The following MTX3 variants were observed in gnomAD, a reference collection of about 807,000 sequenced individuals.
MTX3 encodes the protein metaxin-3.
Under a neutral mutation model 42.5 loss-of-function variants are expected in MTX3, and 27 were observed. The ratio of observed to expected loss-of-function variants is 0.64; its 90% CI spans 0.47 to 0.88. MTX3 has a LOEUF of 0.88. Among genes scored for constraint, MTX3 ranks in the 40% least tolerant of loss-of-function variants. The pLI is 0.00. For synonymous variants in MTX3, 144 were observed against 132.9 expected (o/e 1.08, Z -0.57); for missense variants, 378 against 367.0 (o/e 1.03, Z -0.25).
rs1229193349 is a variant in MTX3, at chr5:79,990,191, G to A, written c.197C>T (p.Pro66Leu). The change falls in exon 3 of 9, where the codon CCA becomes CTA. Residue 66 changes from proline to leucine, a missense_variant. Pro to Leu is a moderately conservative substitution (Grantham distance 98, BLOSUM62 -3). Transcript: ENST00000512528. The stretch of plus-strand genomic sequence containing the variant: ...TCTTAAAAAGTTTAGTATTTTTGCT[G>A]GCTGAGAAACCATGTCGTCTTCAGT... ...LTTEDDMVSQ[P>L]AKILNFLRKQ... 1 of 1,609,728 alleles carries A rather than the reference G, an allele frequency of 6.2e-7. No individual in the cohort carries two copies.
Position 79,989,312 on chromosome 5 carries a change from C to G in MTX3, c.229-68G>C, listed in dbSNP as rs1831571972. 6.3e-6 allele frequency: 6 copies of G among 954,562 alleles called. No individual in the cohort carries two copies. The South Asian group carries it at 9.4e-5, about 15-fold the overall frequency. 59.1% of individuals were successfully genotyped at this position (954,562 alleles called of 1,614,324 possible). The stretch of plus-strand genomic sequence containing the variant: ...GCAGCCCAAAGACAGTAAAACTAAT[C>G]AAATCAGGATTCATATTTTTCCTTA... On this transcript the variant is annotated intron_variant, in intron 3 of 8. Coordinates refer to ENST00000512528, the MANE Select transcript of MTX3 (RefSeq NM_001363818.2).
chr5:79,990,504 C>G, intron 2 of MTX3, 90 bp downstream of exon 2: 4 of 868,700 alleles, frequency 4.6e-6, no homozygotes, highest in Non-Finnish European at 7.0e-6. Context: ...GAAACTAAAT[C>G]CTCAATATTA....
At position 79,981,706 on chromosome 5, in the gene MTX3, A is replaced by T. The variant is rs1400233075; in HGVS notation, c.*1978T>A. The stretch of plus-strand genomic sequence containing the variant: ...AAACTTGGAGTTAAATTTACTACTT[A>T]ATTTTAGAATCTGTCAGTGTTGATA... On this transcript the variant is annotated 3_prime_UTR_variant, in exon 9 of 9. Transcript: ENST00000512528. 3 of 152,004 alleles carry T rather than the reference A, an allele frequency of 2.0e-5. No homozygotes were observed. Among genetic ancestry groups the T allele is most frequent in the African/African-American group, 7.2e-5 (3 of 41,426 alleles). The allele number at this position is 152,004 out of a possible 1,614,324, so 9.4% of individuals were successfully genotyped here.
At chr5:79,989,287 G>A (rs1323491072) in intron 3 of MTX3, 43 bp from the exon 4 acceptor site, 4 of 1,269,636 alleles carry the variant, frequency 3.2e-6, no homozygotes, top group Non-Finnish European at 3.3e-6. Context: ...AAGTCAAAGA[G>A]CAGCCCAAAG....
chr5:79,990,961 C>A (rs948289303), intron 1 of MTX3, 197 bp downstream of exon 1: 11 of 726,958 alleles, frequency 1.5e-5, no homozygotes, highest in Middle Eastern at 2.3e-4. Context: ...GCGGAGAAGC[C>A]TTGATGTCGC....
Position 79,983,623 on chromosome 5 carries a change from C to T in MTX3, c.*61G>A. The T allele has an allele frequency of 8.1e-7, 1 of 1,236,708 alleles. No individual in the cohort carries two copies. Among genetic ancestry groups the T allele is most frequent in the Non-Finnish European group, 1.2e-6 (1 of 835,678 alleles). The allele number at this position is 1,236,708 out of a possible 1,614,324, so 76.6% of individuals were successfully genotyped here. A position where few individuals can be genotyped will look rare whatever the true frequency, so the allele number is the denominator to read the frequency against. On this transcript the variant is annotated 3_prime_UTR_variant, in exon 9 of 9. Coordinates refer to ENST00000512528, the MANE Select transcript of MTX3 (RefSeq NM_001363818.2). ...ATGGTATCTTCTTTTTGCCTTCACACACTTGGTGTAAGAGATTACTGCAAC... is the reference window on the plus strand; with the variant it reads ...ATGGTATCTTCTTTTTGCCTTCACATACTTGGTGTAAGAGATTACTGCAAC...
intron 6 of MTX3, 105 bp from the exon 7 acceptor site, chr5:79,987,212 G>T: frequency 1.0e-6 from 1 of 960,376 alleles, no homozygotes; most frequent in Non-Finnish European, 1.5e-6. Flanking sequence ...GATCAAGCGG[G>T]GGCAGATCAC....
rs1381526289 is a variant in MTX3, at chr5:79,983,288, G to A, written c.*396C>T. ...AGCCACATATTAGGTATTCAGCCTG[G>A]TCTAAGAAAACTAAGTTAATAAATT... On this transcript the variant is annotated 3_prime_UTR_variant, in exon 9 of 9. Transcript: ENST00000512528. 1 of 164,212 alleles carries A rather than the reference G, an allele frequency of 6.1e-6. No individual in the cohort carries two copies. Among genetic ancestry groups the A allele is most frequent in the Non-Finnish European group, 1.3e-5 (1 of 75,326 alleles). 10.2% of individuals were successfully genotyped at this position (164,212 alleles called of 1,614,324 possible).
chr5:79,984,861 T>C (rs895203072), intron 8 of MTX3, among the ~76,000 whole-genome samples: 5 of 152,220 alleles, frequency 3.3e-5, no homozygotes, highest in East Asian at 1.9e-4. Flanking sequence ...AAAACTTTCA[T>C]GTGGAAAGAA....
chr5:79,983,223 C>T lies in MTX3; in HGVS notation c.*461G>A, dbSNP rs1831411635. On this transcript the variant is annotated 3_prime_UTR_variant, in exon 9 of 9. Coordinates refer to ENST00000512528, the MANE Select transcript of MTX3 (RefSeq NM_001363818.2). ...ATCTTTTTCTGGTTCCTAAAATAGG[C>T]ATCAAATTTCTAAACAGAAGTAAAA... 1 of 155,210 alleles carries T rather than the reference C, an allele frequency of 6.4e-6. No individual in the cohort carries two copies. Among genetic ancestry groups the T allele is most frequent in the Non-Finnish European group, 1.4e-5 (1 of 70,004 alleles). The allele number at this position is 155,210 out of a possible 1,614,324, so 9.6% of individuals were successfully genotyped here. A position where few individuals can be genotyped will look rare whatever the true frequency, so the allele number is the denominator to read the frequency against.
rs1011248840 is a variant in MTX3 at position 79,983,455 on chromosome 5, G to GC, written c.*228dup. On this transcript the variant is annotated 3_prime_UTR_variant, in exon 9 of 9. Coordinates refer to ENST00000512528, the MANE Select transcript of MTX3 (RefSeq NM_001363818.2). ...ACAGTACGATGTGTTTTTCTTCCCCGCCCCCCCAACCAAGTTCATTTAGCA... is the reference window on the plus strand; with the variant it reads ...ACAGTACGATGTGTTTTTCTTCCCCGCCCCCCCCAACCAAGTTCATTTAGCA... 5.0e-5 allele frequency: 26 copies of GC among 523,294 alleles called. No homozygotes were observed. Among genetic ancestry groups the GC allele is most frequent in the East Asian group, 6.7e-5 (2 of 29,938 alleles). 32.4% of individuals were successfully genotyped at this position (523,294 alleles called of 1,614,324 possible).
rs1831356559 is a variant in MTX3, at chr5:79,980,853, T to A, written c.*2831A>T. The stretch of plus-strand genomic sequence containing the variant: ...CAGTCTGTTCAGTCTGAAAAAATGT[T>A]CTGTGCTCTGTTCAGATTGACAAAA... On this transcript the variant is annotated 3_prime_UTR_variant, in exon 9 of 9. Transcript: ENST00000512528. 2.6e-5 allele frequency: 4 copies of A among 152,182 alleles called. No homozygotes were observed. The allele number at this position is 152,182 out of a possible 1,614,324, so 9.4% of individuals were successfully genotyped here.
In MTX3 at chr5:79,988,633, G is replaced by C. The variant is rs1249460888; in HGVS notation, c.333C>G (p.Phe111Leu). 1.9e-6 allele frequency: 3 copies of C among 1,582,692 alleles called. No individual in the cohort carries two copies. Among genetic ancestry groups the C allele is most frequent in the Non-Finnish European group, 2.6e-6 (3 of 1,163,958 alleles). The change falls in exon 5 of 9, where the codon TTC (phenylalanine) becomes TTG (leucine). Residue 111 changes from phenylalanine (F) to leucine (L), a missense_variant. By Grantham distance (22) the Phe-to-Leu change is conservative. Coordinates refer to ENST00000512528, the MANE Select transcript of MTX3 (RefSeq NM_001363818.2). ...EKLLPAVLHT[F>L]WVESDNYFTV... The stretch of plus-strand genomic sequence containing the variant: ...TAAAGTAATTGTCACTCTCAACCCA[G>C]AATGTGTGAAGCTGCAAAAGAAGAG...
chr5:79,989,486 C>T (rs1831575993), intron 3 of MTX3, among the ~76,000 whole-genome samples: 1 of 152,188 alleles, frequency 6.6e-6, no homozygotes, highest in African/African-American at 2.4e-5. Flanking sequence ...TATTTTCATG[C>T]TTGTTAATGA....
intron 8 of MTX3, among the ~76,000 whole-genome samples, chr5:79,983,997 C>T (rs370646229): frequency 3.9e-5 from 6 of 152,268 alleles, no homozygotes; most frequent in African/African-American, 1.4e-4. Context: ...CTGTAAAAAG[C>T]AACGTGGCTC....
intron 7 of MTX3, 100 bp downstream of exon 7, chr5:79,986,850 C>T: frequency 8.5e-7 from 1 of 1,171,526 alleles, no homozygotes; most frequent in East Asian, 2.4e-5. Flanking sequence ...TATTTAAAGA[C>T]AATACACAAA....
chr5:79,983,680 ACT>A lies in MTX3; in HGVS notation c.*2_*3del, dbSNP rs747488427. 5.0e-6 allele frequency: 8 copies of A among 1,603,676 alleles called. No individual in the cohort carries two copies. Among genetic ancestry groups the A allele is most frequent in the Non-Finnish European group, 6.8e-6 (8 of 1,170,642 alleles). On this transcript the variant is annotated 3_prime_UTR_variant, in exon 9 of 9. Coordinates refer to ENST00000512528, the MANE Select transcript of MTX3 (RefSeq NM_001363818.2). ...TTGACTTTGGCCACAAACCATGACT[ACT>A]CTCAGGGCGAAAGCCGTTGGAAGGA...
intron 8 of MTX3, among the ~76,000 whole-genome samples, chr5:79,984,183 T>C (rs1831438029): frequency 1.3e-5 from 2 of 152,164 alleles, no homozygotes; most frequent in South Asian, 4.1e-4. Context: ...CCCGATACGC[T>C]ATGAAGAAAA....
At chr5:79,987,168 G>A (rs907016955) in intron 6 of MTX3, 61 bp from the exon 7 acceptor site, 4 of 1,490,970 alleles carry the variant, frequency 2.7e-6, no homozygotes, top group Non-Finnish European at 2.8e-6. Flanking sequence ...GGCCGGGTGT[G>A]GTGGCTCATG....
Sources: gnomAD v4.1 joint callset for allele counts (sites outside exome capture counted in the v4.1 genomes callset) on GRCh38, gnomAD v4.1.1 for gene constraint, MANE v1.5 for transcripts, NCBI Gene and HGNC (gene_info 2026-07-23, HGNC 2026-07-21) for gene names.